The following TBCEL variants were observed in gnomAD, a reference collection of about 807,000 sequenced individuals.
TBCEL encodes tubulin-specific chaperone cofactor E-like protein.
A neutral mutation model predicts 44.2 loss-of-function variants in TBCEL; 15 were observed. The observed-to-expected ratio is 0.34, with a 90% CI of 0.23 to 0.52. The LOEUF is 0.52. TBCEL is among the 20% of genes least tolerant of loss of function. TBCEL has a pLI of 0.95. For synonymous variants in TBCEL, 171 were observed against 185.4 expected (o/e 0.92, Z 0.63); for missense variants, 319 against 506.3 (o/e 0.63, Z 3.55).
At chr11:121,079,125 T>TG in intron 8 of TBCEL, among the ~76,000 whole-genome samples, 1 of 152,354 alleles carries the variant, frequency 6.6e-6, no homozygotes, top group Middle Eastern at 3.4e-3. Context: ...CACTTCAAGA[T>TG]ACTTTGCTAT....
intron 8 of TBCEL, among the ~76,000 whole-genome samples, chr11:121,079,379 A>C (rs1462211333): frequency 2.0e-5 from 3 of 152,220 alleles, no homozygotes; most frequent in African/African-American, 7.2e-5. Context: ...GGAATGAGAA[A>C]ATAATTTCTA....
In TBCEL at chr11:121,089,071, A is replaced by T. The variant is rs1946256085; in HGVS notation, c.*1975A>T. On this transcript the variant is annotated 3_prime_UTR_variant, in exon 9 of 9. Coordinates refer to ENST00000683345, the MANE Select transcript of TBCEL (RefSeq NM_001363644.2). Reference sequence around the variant, plus strand: ...CTGTAGGTGCTTTGTGTATGTATGCATGAGTGCAGATGAGTTTGAGAGAGA... The same window carrying T: ...CTGTAGGTGCTTTGTGTATGTATGCTTGAGTGCAGATGAGTTTGAGAGAGA... 1 of 152,320 alleles carries T rather than the reference A, an allele frequency of 6.6e-6. No individual in the cohort carries two copies. The highest frequency in any genetic ancestry group is 2.1e-4 in the South Asian group (1 of 4,828). 9.4% of individuals were successfully genotyped at this position (152,320 alleles called of 1,614,324 possible). A position where few individuals can be genotyped will look rare whatever the true frequency, so the allele number is the denominator to read the frequency against.
At position 121,052,688 on chromosome 11, in the gene TBCEL, A is replaced by T. The variant is rs114630789; in HGVS notation, c.274-863A>T. ...TTCATTTTTTCTGCTTATATTTATG[A>T]TGTATAAATATGGTATATTGGAAAG... On this transcript the variant is annotated intron_variant, in intron 4 of 8. Coordinates refer to ENST00000683345, the MANE Select transcript of TBCEL (RefSeq NM_001363644.2). Among the ~76,000 whole-genome samples the T allele has an allele frequency of 5.2e-3, 787 of 151,886 alleles. 5 individuals are homozygous for T. The highest frequency in any genetic ancestry group is 0.017 in the African/African-American group (724 of 41,482).
rs778245071 is a variant in TBCEL at position 121,047,628 on chromosome 11, A to G, written c.234A>G (p.Glu78=). Residue 78 remains glutamate (E), a synonymous_variant, in exon 4 of 9, where the codon GAA becomes GAG. Transcript: ENST00000683345. ...EIAAFCAHVS[E]LDLSDNKLED... ...CTGCTTTCTGCGCTCATGTGTCGGA[A>G]CTAGATCTTTCTGACAACAAACTCG... The G allele has an allele frequency of 1.9e-6, 3 of 1,612,590 alleles. No individual in the cohort carries two copies. Among genetic ancestry groups the G allele is most frequent in the East Asian group, 2.2e-5 (1 of 44,842 alleles).
rs1015856832 is a variant in TBCEL, at chr11:121,088,843, T to A, written c.*1747T>A. ...GTCAAATCTACATTCAGTGTAACAT[T>A]AAAGGTGGAAACCAAAGGGTTTGAG... On this transcript the variant is annotated 3_prime_UTR_variant, in exon 9 of 9. Coordinates refer to ENST00000683345, the MANE Select transcript of TBCEL (RefSeq NM_001363644.2). The A allele has an allele frequency of 2.6e-5, 4 of 152,170 alleles. No homozygotes were observed. Among genetic ancestry groups the A allele is most frequent in the Non-Finnish European group, 5.9e-5 (4 of 68,014 alleles). The allele number at this position is 152,170 out of a possible 1,614,324, so 9.4% of individuals were successfully genotyped here.
At chr11:121,074,631 C>CA (rs1946000572) in intron 8 of TBCEL, among the ~76,000 whole-genome samples, 3 of 151,762 alleles carry the variant, frequency 2.0e-5, no homozygotes. Flanking sequence ...TTTTAGTGTA[C>CA]ATTCCTGAAT....
chr11:121,071,147 CA>C (rs1945923327), intron 8 of TBCEL, among the ~76,000 whole-genome samples: 1 of 152,150 alleles, frequency 6.6e-6, no homozygotes. Context: ...TGCCCTTGAT[CA>C]GATGTCTATC....
intron 1 of TBCEL, among the ~76,000 whole-genome samples, chr11:121,024,823 G>A (rs1050786117): frequency 1.3e-5 from 2 of 152,190 alleles, no homozygotes; most frequent in South Asian, 4.1e-4. Flanking sequence ...TCTTACCAGG[G>A]GCTGATAAAA....
chr11:121,082,790 AACTGGCCCACCAAGGGC>A (rs1946148959), intron 8 of TBCEL, among the ~76,000 whole-genome samples: 1 of 152,194 alleles, frequency 6.6e-6, no homozygotes, highest in African/African-American at 2.4e-5. Flanking sequence ...AGTACCATGG[AACTGGCCCACCAAGGGC>A]ACTGCGCACC....
intron 8 of TBCEL, among the ~76,000 whole-genome samples, chr11:121,076,380 G>T (rs1404500991): frequency 6.6e-6 from 1 of 151,816 alleles, no homozygotes; most frequent in Non-Finnish European, 1.5e-5. Flanking sequence ...TCCACATAAG[G>T]ATTCTGCACA....
intron 8 of TBCEL, among the ~76,000 whole-genome samples, chr11:121,077,279 A>G (rs1420785900): frequency 6.6e-6 from 1 of 151,976 alleles, no homozygotes; most frequent in Non-Finnish European, 1.5e-5. Context: ...TCTTTGCTGG[A>G]GGTTTTAACT....
chr11:121,053,489 C>A, intron 4 of TBCEL, 62 bp from the exon 5 acceptor site: 1 of 1,506,626 alleles, frequency 6.6e-7, no homozygotes, highest in Non-Finnish European at 9.1e-7. Context: ...CTTTCTTGAG[C>A]ATGATTGCTA....
chr11:121,025,675 C>T (rs1379722471), intron 1 of TBCEL, among the ~76,000 whole-genome samples: 2 of 151,160 alleles, frequency 1.3e-5, no homozygotes, highest in African/African-American at 4.8e-5. Context: ...TGTCCTCATT[C>T]TGTAAGCTTC....
chr11:121,031,412 A>G (rs1250761663), intron 1 of TBCEL, among the ~76,000 whole-genome samples: 1 of 152,092 alleles, frequency 6.6e-6, no homozygotes, highest in Non-Finnish European at 1.5e-5. Context: ...TGAGATTTTA[A>G]TTTTTGTCTC....
chr11:121,076,893 T>C (rs1946043167), intron 8 of TBCEL, among the ~76,000 whole-genome samples: 1 of 152,078 alleles, frequency 6.6e-6, no homozygotes, highest in South Asian at 2.1e-4. Flanking sequence ...AAATGCTTCT[T>C]CTGCATCTAT....
chr11:121,051,201 T>G (rs951477360), intron 4 of TBCEL, among the ~76,000 whole-genome samples: 10 of 151,814 alleles, frequency 6.6e-5, no homozygotes, highest in African/African-American at 2.4e-4. Flanking sequence ...TTCTGAATAT[T>G]AATTTTCACT....
chr11:121,046,078 T>A (rs1945425353), intron 3 of TBCEL, among the ~76,000 whole-genome samples: 1 of 152,108 alleles, frequency 6.6e-6, no homozygotes, highest in South Asian at 2.1e-4. Context: ...CATATTCTTT[T>A]ATGGAACATA....
intron 3 of TBCEL, among the ~76,000 whole-genome samples, chr11:121,047,303 T>C (rs531743800): frequency 7.4e-4 from 112 of 152,108 alleles, no homozygotes; most frequent in African/African-American, 2.5e-3. Context: ...TAGAGGACTT[T>C]TTTTGGTGGT....
At chr11:121,051,422 G>A (rs987359785) in intron 4 of TBCEL, among the ~76,000 whole-genome samples, 2 of 151,540 alleles carry the variant, frequency 1.3e-5, no homozygotes, top group African/African-American at 2.4e-5. Context: ...GTTATTCTTC[G>A]TGCTTTAGTT....
Sources: gnomAD v4.1 joint callset for allele counts (sites outside exome capture counted in the v4.1 genomes callset) on GRCh38, gnomAD v4.1.1 for gene constraint, MANE v1.5 for transcripts, NCBI Gene and HGNC (gene_info 2026-07-23, HGNC 2026-07-21) for gene names.